The following ITGA1 variants were observed in gnomAD, a reference collection of about 807,000 sequenced individuals.
The protein encoded by ITGA1 is integrin alpha-1.
ITGA1 carries 85 observed loss-of-function variants against 145.9 expected under a neutral mutation model. That is an observed-to-expected ratio of 0.58 (90% CI 0.49 to 0.70). The LOEUF (loss-of-function observed/expected upper bound fraction) is 0.70. Ranked by LOEUF, ITGA1 falls within the 30% of genes least tolerant of loss-of-function variation. The pLI is 0.00. For synonymous variants in ITGA1, 520 were observed against 495.3 expected (o/e 1.05, Z -0.66); for missense variants, 1,351 against 1,418.7 (o/e 0.95, Z 0.77).
intron 9 of ITGA1, among the ~76,000 whole-genome samples, chr5:52,897,124 A>G (rs763802067): frequency 1.3e-4 from 20 of 152,276 alleles, no homozygotes; most frequent in Non-Finnish European, 2.6e-4. Flanking sequence ...CTACTGTAGT[A>G]CATCCAACTT....
intron 6 of ITGA1, among the ~76,000 whole-genome samples, chr5:52,871,176 G>C (rs1253890758): frequency 6.6e-6 from 1 of 152,180 alleles, no homozygotes; most frequent in Non-Finnish European, 1.5e-5. Context: ...GTTTCGCCTT[G>C]TTGGTTTTAA....
chr5:52,865,675 C>A lies in ITGA1; in HGVS notation c.497-15C>A. ...AATAGATTCCAAATTTGACAATTGACTCCTTTTATTGCAGAATGCAGCACT... is the reference window on the plus strand; with the variant it reads ...AATAGATTCCAAATTTGACAATTGAATCCTTTTATTGCAGAATGCAGCACT... On this transcript the variant is annotated splice_polypyrimidine_tract_variant and intron_variant, in intron 5 of 28. Transcript: ENST00000282588. 6.7e-7 allele frequency: 1 copy of A among 1,501,512 alleles called. No homozygotes were observed. The highest frequency in any genetic ancestry group is 1.4e-5 in the South Asian group (1 of 72,458). The allele number at this position is 1,501,512 out of a possible 1,614,324, so 93.0% of individuals were successfully genotyped here. A position where few individuals can be genotyped will look rare whatever the true frequency, so the allele number is the denominator to read the frequency against.
chr5:52,855,466 T>C (rs1199744925), intron 2 of ITGA1, among the ~76,000 whole-genome samples: 2 of 152,226 alleles, frequency 1.3e-5, no homozygotes, highest in African/African-American at 4.8e-5. Context: ...TCAATAGATA[T>C]TTATTGAATG....
chr5:52,840,618 G>A (rs1479585117), intron 1 of ITGA1, among the ~76,000 whole-genome samples: 1 of 152,192 alleles, frequency 6.6e-6, no homozygotes, highest in Non-Finnish European at 1.5e-5. Flanking sequence ...TTTATTTGTG[G>A]TGGGAGGATA....
At chr5:52,801,870 GT>G in intron 1 of ITGA1, 1 of 1,502,180 alleles carries the variant, frequency 6.7e-7, no homozygotes. Context: ...AGACAATCTT[GT>G]GTTTCCTAAA....
intron 6 of ITGA1, among the ~76,000 whole-genome samples, chr5:52,873,734 A>G (rs1561233523): frequency 6.6e-6 from 1 of 152,238 alleles, no homozygotes; most frequent in Non-Finnish European, 1.5e-5. Flanking sequence ...TTGGCCAGAC[A>G]TAAAGCCTGA....
At chr5:52,951,094 T>C (rs1349600086) in intron 28 of ITGA1, among the ~76,000 whole-genome samples, 4 of 152,172 alleles carry the variant, frequency 2.6e-5, no homozygotes, top group Admixed American at 6.6e-5. Flanking sequence ...ATAAAAATTT[T>C]CCAACCTAAA....
chr5:52,920,877 G>C (rs1208784144), intron 17 of ITGA1, among the ~76,000 whole-genome samples: 1 of 152,136 alleles, frequency 6.6e-6, no homozygotes, highest in East Asian at 1.9e-4. Context: ...AGACTGCTGG[G>C]CTGTATGCTT....
chr5:52,905,481 A>AT lies in ITGA1; in HGVS notation c.1310-276dup, dbSNP rs545642804. 7.0e-5 allele frequency: 16 copies of AT among 228,090 alleles called. No homozygotes were observed. In the East Asian group the frequency reaches 1.3e-3, roughly 19 times the overall value. The allele number at this position is 228,090 out of a possible 1,614,324, so 14.1% of individuals were successfully genotyped here. ...TTACAAATTGGGGTGGGGATGTGCA[A>AT]TTTTTTATGTGTGTCATCATTGTTA... On this transcript the variant is annotated intron_variant, in intron 11 of 28. Transcript: ENST00000282588.
intron 28 of ITGA1, among the ~76,000 whole-genome samples, chr5:52,951,694 A>G (rs558807097): frequency 1.3e-5 from 2 of 152,256 alleles, no homozygotes; most frequent in East Asian, 3.9e-4. Context: ...TACCATCTCT[A>G]ATGACCTCAA....
rs1330378844 is a variant in ITGA1, at chr5:52,925,263, C to T, written c.2404-15C>T. The T allele has an allele frequency of 8.7e-6, 14 of 1,603,808 alleles. No homozygotes were observed. Among genetic ancestry groups the T allele is most frequent in the Admixed American group, 3.3e-5 (2 of 59,912 alleles). On this transcript the variant is annotated splice_polypyrimidine_tract_variant and intron_variant, in intron 18 of 28. Coordinates refer to ENST00000282588, the MANE Select transcript of ITGA1 (RefSeq NM_181501.2). ...TAGCTAAATTTTGAAAAATTCTTTC[C>T]TGTCATCATTTCAGATTCCCTTTGC...
chr5:52,806,421 A>G (rs952699460), intron 1 of ITGA1, among the ~76,000 whole-genome samples: 1 of 152,070 alleles, frequency 6.6e-6, no homozygotes, highest in South Asian at 2.1e-4. Flanking sequence ...GTCATCAAGT[A>G]GTAAACTTCA....
At chr5:52,927,692 GA>G in intron 20 of ITGA1, 28 bp downstream of exon 20, 1 of 1,376,306 alleles carries the variant, frequency 7.3e-7, no homozygotes, top group East Asian at 2.3e-5. Flanking sequence ...AATACATGTA[GA>G]AATTGAATAT....
At chr5:52,816,925 AG>A (rs1748785006) in intron 1 of ITGA1, among the ~76,000 whole-genome samples, 1 of 152,224 alleles carries the variant, frequency 6.6e-6, no homozygotes, top group Non-Finnish European at 1.5e-5. Context: ...AATATTTTCA[AG>A]TGGTATCACC....
chr5:52,893,928 G>A, intron 9 of ITGA1, 88 bp downstream of exon 9: 1 of 899,180 alleles, frequency 1.1e-6, no homozygotes, highest in Non-Finnish European at 1.7e-6. Context: ...TAATACATCA[G>A]TAATACTTTT....
intron 28 of ITGA1, 127 bp from the exon 29 acceptor site, chr5:52,952,280 C>A: frequency 2.2e-6 from 1 of 450,582 alleles, no homozygotes; most frequent in Non-Finnish European, 4.1e-6. Flanking sequence ...GAAAATATTT[C>A]TTAATTATAT....
At chr5:52,853,347 T>A (rs938869136) in intron 2 of ITGA1, among the ~76,000 whole-genome samples, 27 of 152,194 alleles carry the variant, frequency 1.8e-4, no homozygotes, top group African/African-American at 5.8e-4. Context: ...AACAGATAGA[T>A]TGCAGACTTA....
chr5:52,857,399 T>C (rs907379309), intron 2 of ITGA1, among the ~76,000 whole-genome samples: 1 of 152,142 alleles, frequency 6.6e-6, no homozygotes. Flanking sequence ...CTTGCCATCA[T>C]TTAGCCATAT....
intron 1 of ITGA1, chr5:52,801,745 C>T (rs1254478982): frequency 5.6e-6 from 9 of 1,614,062 alleles, no homozygotes; most frequent in Non-Finnish European, 6.8e-6. Context: ...TTCTGGGGAA[C>T]AGCTCAGCCA....
Sources: gnomAD v4.1 joint callset for allele counts (sites outside exome capture counted in the v4.1 genomes callset) on GRCh38, gnomAD v4.1.1 for gene constraint, MANE v1.5 for transcripts, NCBI Gene and HGNC (gene_info 2026-07-23, HGNC 2026-07-21) for gene names.